Variants in VPS13D observed in about 807,000 individuals in gnomAD.
VPS13D encodes intermembrane lipid transfer protein VPS13D.
In VPS13D, 187 loss-of-function variants were observed where a neutral mutation model predicts 461.9. The ratio of observed to expected loss-of-function variants is 0.40; its 90% CI spans 0.36 to 0.46. VPS13D has a LOEUF of 0.46. Ranked by LOEUF, VPS13D falls within the 20% of genes least tolerant of loss-of-function variation. The pLI is 0.60. For missense variants in VPS13D, 4,711 were observed against 5,364.9 expected, an observed-to-expected ratio of 0.88 and a Z score of 3.81; for synonymous variants, 1,951 against 1,986.3, an observed-to-expected ratio of 0.98 and a Z score of 0.47.
chr1:12,501,189 TCA>T (rs563959409), intron 68 of VPS13D, among the ~76,000 whole-genome samples: 1 of 152,198 alleles, frequency 6.6e-6, no homozygotes, highest in Non-Finnish European at 1.5e-5. Context: ...TTGAGAAATT[TCA>T]CAGAGAGAGA....
rs771383917 is a variant in VPS13D, at chr1:12,437,844, G to A, written c.12334-18154G>A. Among the ~76,000 whole-genome samples the A allele has an allele frequency of 5.3e-5, 8 of 152,124 alleles. No individual in the cohort carries two copies. In the South Asian group the frequency reaches 6.2e-4, roughly 12 times the overall value. ...CTTTGAGCCCTGATGTTTTCCCTGC[G>A]CTCAAAAATTACAGTGCTGGATGGC... On this transcript the variant is annotated intron_variant, in intron 65 of 69. Transcript: ENST00000620676.
At chr1:12,484,310 A>G (rs1645766691) in intron 67 of VPS13D, among the ~76,000 whole-genome samples, 1 of 152,152 alleles carries the variant, frequency 6.6e-6, no homozygotes, top group Admixed American at 6.5e-5. Flanking sequence ...TTCATTGTTG[A>G]TACATGGGCT....
chr1:12,422,085 T>C (rs994334770), intron 65 of VPS13D, among the ~76,000 whole-genome samples: 3 of 152,142 alleles, frequency 2.0e-5, no homozygotes, highest in Non-Finnish European at 4.4e-5. Flanking sequence ...CTCCTTGGCC[T>C]CCCAAAGTGC....
At chr1:12,306,798 C>T (rs552505174) in intron 26 of VPS13D, among the ~76,000 whole-genome samples, 13 of 152,220 alleles carry the variant, frequency 8.5e-5, no homozygotes, top group South Asian at 4.2e-4. Context: ...ACTGTTCCAC[C>T]GCAGATCATC....
At position 12,415,203 on chromosome 1, in the gene VPS13D, C is replaced by T. The variant is rs1644778640; in HGVS notation, c.12147C>T (p.Ile4049=). 3.1e-6 allele frequency: 5 copies of T among 1,613,962 alleles called. No individual in the cohort carries two copies. The highest frequency in any genetic ancestry group is 1.3e-5 in the African/African-American group (1 of 74,908). ...CCAAGGAGTTCATCATCAATGATATCCTCAAACATTTCCAGGAGGTGAGGC... is the reference window on the plus strand; with the variant it reads ...CCAAGGAGTTCATCATCAATGATATTCTCAAACATTTCCAGGAGGTGAGGC... ...YETKEFIIND[I]LKHFQEELLS... is the part of the protein sequence containing the mutation. Residue 4049 remains isoleucine (I), a synonymous_variant, in exon 64 of 70, where the codon ATC becomes ATT. Coordinates refer to ENST00000620676, the MANE Select transcript of VPS13D (RefSeq NM_015378.4).
intron 44 of VPS13D, 110 bp downstream of exon 44, chr1:12,346,762 G>C: frequency 9.4e-7 from 1 of 1,067,456 alleles, no homozygotes; most frequent in Non-Finnish European, 1.3e-6. Context: ...ACATATATGC[G>C]ATTGAAATTT....
intron 44 of VPS13D, among the ~76,000 whole-genome samples, chr1:12,348,343 T>C (rs569415960): frequency 6.6e-6 from 1 of 152,360 alleles, no homozygotes; most frequent in African/African-American, 2.4e-5. Flanking sequence ...TTTCTAATTT[T>C]AATTGTGTTG....
chr1:12,256,723 G>A (rs1369316484), intron 8 of VPS13D, among the ~76,000 whole-genome samples: 2 of 149,118 alleles, frequency 1.3e-5, no homozygotes, highest in African/African-American at 2.5e-5. Flanking sequence ...TTAGTTGGTG[G>A]TATGGATTGG....
chr1:12,267,289 T>G (rs1056380935), intron 14 of VPS13D, among the ~76,000 whole-genome samples: 1 of 152,208 alleles, frequency 6.6e-6, no homozygotes, highest in Non-Finnish European at 1.5e-5. Flanking sequence ...GGTCAATGTT[T>G]GGGTTTCCTC....
Position 12,378,543 on chromosome 1 carries a change from G to A in VPS13D, c.11033G>A (p.Gly3678Glu), listed in dbSNP as rs773354701. The change falls in exon 56 of 70, where the codon GGG becomes GAG. Residue 3678 changes from glycine (G) to glutamate (E), a missense_variant. Around this residue, in one of 3 missense-constraint regions of VPS13D, gnomAD observed 4,411 missense variants for 4,937.8 expected, o/e 0.89. Transcript: ENST00000620676. ...CCCTCAGCCGCCCGCTCCACCGAGG[G>A]GTCTGCCATCTTAGATATTGCTGGT... Reference protein sequence around the residue: ...NKPSAARSTEGSAILDIAGLA... With the variant: ...NKPSAARSTEESAILDIAGLA... 7 of 1,609,778 alleles carry A rather than the reference G, an allele frequency of 4.3e-6. No individual in the cohort carries two copies. The Admixed American group carries it at 8.4e-5, about 19-fold the overall frequency.
rs1184081599 is a variant in VPS13D, at chr1:12,507,702, CCCT to C, written c.13035+614_13035+616del. ...GTCTGATCACTGTGTTGCTGTCATC[CCCT>C]CCTCACTATTGGTCATAGCAGGTGA... On this transcript the variant is annotated intron_variant, in intron 69 of 69. Coordinates refer to ENST00000620676, the MANE Select transcript of VPS13D (RefSeq NM_015378.4). The surrounding 1 kb of genome is among the most constrained non-coding windows in gnomAD (Gnocchi z 5.3). Among the ~76,000 whole-genome samples the C allele has an allele frequency of 6.6e-6, 1 of 152,186 alleles. No individual in the cohort carries two copies. Among genetic ancestry groups the C allele is most frequent in the Non-Finnish European group, 1.5e-5 (1 of 68,028 alleles).
At chr1:12,444,001 G>A (rs923481586) in intron 65 of VPS13D, among the ~76,000 whole-genome samples, 2 of 151,852 alleles carry the variant, frequency 1.3e-5, no homozygotes, top group Admixed American at 6.6e-5. Context: ...ACCCGCCATC[G>A]TGCCCGGCTA....
In VPS13D at chr1:12,345,615, C is replaced by G. The variant is rs1643658937; in HGVS notation, c.9021+106C>G. 3.4e-6 allele frequency: 5 copies of G among 1,463,794 alleles called. No individual in the cohort carries two copies. The Admixed American group carries it at 1.0e-4, about 30-fold the overall frequency. The allele number at this position is 1,463,794 out of a possible 1,614,324, so 90.7% of individuals were successfully genotyped here. A position where few individuals can be genotyped will look rare whatever the true frequency, so the allele number is the denominator to read the frequency against. On this transcript the variant is annotated intron_variant, in intron 43 of 69. Coordinates refer to ENST00000620676, the MANE Select transcript of VPS13D (RefSeq NM_015378.4). ...TGAAACTTTCTTGTTCTTTCTTTCC[C>G]CTAATTCTAGGACTGACTGGGTCAG...
intron 67 of VPS13D, among the ~76,000 whole-genome samples, chr1:12,474,989 T>A (rs1002210837): frequency 3.3e-5 from 5 of 152,148 alleles, no homozygotes; most frequent in Admixed American, 2.6e-4. Context: ...TCATGGGATT[T>A]TATTCTTTTT....
intron 55 of VPS13D, 56 bp from the exon 56 acceptor site, chr1:12,378,372 C>T (rs953612415): frequency 1.6e-5 from 24 of 1,479,568 alleles, no homozygotes; most frequent in African/African-American, 4.3e-5. Context: ...AAGTGAGGAG[C>T]TAGCTGTGGC....
At chr1:12,327,570 A>G in intron 35 of VPS13D, 78 bp from the exon 36 acceptor site, 2 of 1,344,868 alleles carry the variant, frequency 1.5e-6, no homozygotes, top group Non-Finnish European at 2.0e-6. Context: ...AGAGAATTTT[A>G]TTTCTCTGTT....
intron 37 of VPS13D, among the ~76,000 whole-genome samples, chr1:12,331,815 A>G (rs900889091): frequency 6.6e-6 from 1 of 150,782 alleles, no homozygotes; most frequent in Non-Finnish European, 1.5e-5. Flanking sequence ...TTGTTTTCTT[A>G]GGCCAAATAT....
intron 39 of VPS13D, chr1:12,337,663 A>G (rs1386342891): frequency 2.0e-5 from 3 of 152,320 alleles, no homozygotes; most frequent in Non-Finnish European, 4.4e-5. Context: ...TTCCAAGGAC[A>G]TTTTATGAAA....
At chr1:12,294,980 TG>T (rs572297549) in intron 24 of VPS13D, among the ~76,000 whole-genome samples, 57 of 152,016 alleles carry the variant, frequency 3.7e-4, no homozygotes, top group African/African-American at 1.3e-3. Context: ...CCCAGCACTT[TG>T]GGGGGCGAGG....
Sources: gnomAD v4.1 joint callset for allele counts (sites outside exome capture counted in the v4.1 genomes callset) on GRCh38, gnomAD v4.1.1 for gene constraint, gnomAD v4.1.1 regional missense constraint, Gnocchi (gnomAD v3.1) non-coding constraint, MANE v1.5 for transcripts, NCBI Gene and HGNC (gene_info 2026-07-23, HGNC 2026-07-21) for gene names.